NKAIN2: variants seen among roughly 807,000 people sequenced by gnomAD.
The protein encoded by NKAIN2 is sodium/potassium transporting ATPase interacting 2, also known as sodium/potassium-transporting ATPase subunit beta-1-interacting protein 2.
Under a neutral mutation model 32.6 loss-of-function variants are expected in NKAIN2, and 14 were observed. The observed-to-expected ratio is 0.43, with a 90% CI of 0.28 to 0.67. The LOEUF (loss-of-function observed/expected upper bound fraction) is 0.67. Among genes scored for constraint, NKAIN2 ranks in the 30% least tolerant of loss-of-function variants. NKAIN2 has a pLI of 0.17. For missense variants in NKAIN2, 198 were observed against 258.3 expected (o/e 0.77, Z 1.60); for synonymous variants, 80 against 87.2 (o/e 0.92, Z 0.46).
rs369895998 is a variant in NKAIN2 at position 123,924,858 on chromosome 6, G to A, written c.54+120604G>A. Among the ~76,000 whole-genome samples, 8 of 151,994 alleles carry A rather than the reference G, an allele frequency of 5.3e-5. No homozygotes were observed. The East Asian group carries it at 1.3e-3, about 26-fold the overall frequency. On this transcript the variant is annotated intron_variant, in intron 1 of 6. Coordinates refer to ENST00000368417, the MANE Select transcript of NKAIN2 (RefSeq NM_001040214.3). ...CTTCAGATGTCAAGAATGAAACTAG[G>A]AGATAATGTGTGAGATCCTTATAAG...
At chr6:124,035,091 T>C (rs1781556837) in intron 1 of NKAIN2, among the ~76,000 whole-genome samples, 1 of 152,092 alleles carries the variant, frequency 6.6e-6, no homozygotes, top group Admixed American at 6.6e-5. Flanking sequence ...CAAATATGTA[T>C]AATTATTTTA....
intron 2 of NKAIN2, among the ~76,000 whole-genome samples, chr6:124,311,348 A>G (rs2115000465): frequency 6.6e-6 from 1 of 152,238 alleles, no homozygotes; most frequent in East Asian, 1.9e-4. Context: ...AAAATGCCAC[A>G]AACTCTCCGC....
chr6:123,922,718 T>C (rs183487832), intron 1 of NKAIN2, among the ~76,000 whole-genome samples: 1 of 152,308 alleles, frequency 6.6e-6, no homozygotes, highest in East Asian at 1.9e-4. Flanking sequence ...GGTGTCTCCA[T>C]TGTTTGCTCA....
intron 3 of NKAIN2, among the ~76,000 whole-genome samples, chr6:124,481,694 T>A (rs1315073559): frequency 6.6e-6 from 1 of 152,176 alleles, no homozygotes; most frequent in East Asian, 1.9e-4. Context: ...AAGTCATGAC[T>A]AAATTTGCAT....
At chr6:124,731,030 A>G (rs1776639469) in intron 4 of NKAIN2, among the ~76,000 whole-genome samples, 1 of 145,994 alleles carries the variant, frequency 6.8e-6, no homozygotes, top group Admixed American at 7.0e-5. Context: ...CACACCAGGT[A>G]GAATGGCAAT....
intron 1 of NKAIN2, among the ~76,000 whole-genome samples, chr6:124,011,046 G>A (rs1780299515): frequency 6.6e-6 from 1 of 151,552 alleles, no homozygotes; most frequent in Admixed American, 6.6e-5. Context: ...AACTCATTTT[G>A]ACCAGATTCT....
At position 124,785,387 on chromosome 6, in the gene NKAIN2, C is replaced by A. The variant is rs191406833; in HGVS notation, c.475-5952C>A. Among the ~76,000 whole-genome samples, 4 of 152,302 alleles carry A rather than the reference C, an allele frequency of 2.6e-5. No individual in the cohort carries two copies. In the East Asian group the frequency reaches 7.7e-4, roughly 29 times the overall value. ...GAAAATCTTAACATCTCTATCACCT[C>A]TGTGGTTAGGTTACATTGGCTGTCT... On this transcript the variant is annotated intron_variant, in intron 4 of 6. Coordinates refer to ENST00000368417, the MANE Select transcript of NKAIN2 (RefSeq NM_001040214.3).
chr6:124,488,088 A>G (rs1340817839), intron 3 of NKAIN2, among the ~76,000 whole-genome samples: 1 of 152,098 alleles, frequency 6.6e-6, no homozygotes, highest in Non-Finnish European at 1.5e-5. Flanking sequence ...AGTTGAGAGA[A>G]AAGTATGACT....
chr6:124,189,353 A>G (rs76701244), intron 1 of NKAIN2, among the ~76,000 whole-genome samples: 8,798 of 152,228 alleles, frequency 0.058, 473 homozygotes, highest in African/African-American at 0.12. Context: ...ATTCTATTAG[A>G]TCTTTAGTAT....
intron 1 of NKAIN2, among the ~76,000 whole-genome samples, chr6:124,260,467 G>C (rs890957375): frequency 2.0e-5 from 3 of 152,158 alleles, no homozygotes; most frequent in Admixed American, 6.6e-5. Flanking sequence ...ACAGGTGTCA[G>C]GGAAAAGAGA....
At chr6:124,805,198 C>T (rs907864316) in intron 5 of NKAIN2, among the ~76,000 whole-genome samples, 8 of 152,212 alleles carry the variant, frequency 5.3e-5, no homozygotes, top group East Asian at 1.9e-4. Context: ...TCAAGTGGGT[C>T]CCTGACCCCT....
chr6:124,462,582 C>A (rs1181869864), intron 3 of NKAIN2, among the ~76,000 whole-genome samples: 1 of 152,054 alleles, frequency 6.6e-6, no homozygotes, highest in African/African-American at 2.4e-5. Context: ...TTATATATCT[C>A]AGGCTGCCTG....
At chr6:124,745,945 G>C (rs893680808) in intron 4 of NKAIN2, among the ~76,000 whole-genome samples, 19 of 151,882 alleles carry the variant, frequency 1.3e-4, no homozygotes, top group Non-Finnish European at 2.2e-4. Context: ...AGGCCAGAAA[G>C]AGCAATGGGG....
intron 3 of NKAIN2, among the ~76,000 whole-genome samples, chr6:124,485,101 A>G (rs79486562): frequency 0.045 from 6,849 of 152,238 alleles, 267 homozygotes; most frequent in Non-Finnish European, 0.065. Flanking sequence ...AGATCTGCAA[A>G]ACAGTGAGCT....
At chr6:123,986,496 A>G (rs1443488767) in intron 1 of NKAIN2, among the ~76,000 whole-genome samples, 1 of 152,160 alleles carries the variant, frequency 6.6e-6, no homozygotes, top group African/African-American at 2.4e-5. Flanking sequence ...CCTGTTTATT[A>G]CAGTGTAGTT....
chr6:124,226,804 G>C lies in NKAIN2; in HGVS notation c.55-56201G>C, dbSNP rs534393412. 7.2e-5 allele frequency among the ~76,000 whole-genome samples: 11 copies of C among 152,160 alleles called. No individual in the cohort carries two copies. In the East Asian group the frequency reaches 2.1e-3, roughly 29 times the overall value. The stretch of plus-strand genomic sequence containing the variant: ...TTCAGTAACCTAAATGAATCTGTCA[G>C]ATAAGATTTTAGGAGGTGTTTAGGG... On this transcript the variant is annotated intron_variant, in intron 1 of 6. Coordinates refer to ENST00000368417, the MANE Select transcript of NKAIN2 (RefSeq NM_001040214.3).
intron 1 of NKAIN2, among the ~76,000 whole-genome samples, chr6:123,957,487 T>C (rs73773029): frequency 0.051 from 7,742 of 152,228 alleles, 614 homozygotes; most frequent in African/African-American, 0.17. Flanking sequence ...TTTCAATATA[T>C]AGGGTATTTT....
intron 3 of NKAIN2, among the ~76,000 whole-genome samples, chr6:124,360,676 T>C (rs768243638): frequency 1.4e-4 from 22 of 152,116 alleles, no homozygotes; most frequent in African/African-American, 1.9e-4. Context: ...GATGGGAATA[T>C]AGTATAAAAT....
Position 124,490,391 on chromosome 6 carries a change from A to C in NKAIN2, c.273+135044A>C, listed in dbSNP as rs899914793. 1.6e-5 allele frequency: 7 copies of C among 436,510 alleles called. No homozygotes were observed. The Admixed American group carries it at 1.8e-4, about 11-fold the overall frequency. 27.0% of individuals were successfully genotyped at this position (436,510 alleles called of 1,614,324 possible). ...TTGTGGAATTTCCCTCAAAGGAAAC[A>C]GACCGTATAGAATCATAGAGGTTTT... On this transcript the variant is annotated intron_variant, in intron 3 of 6. Coordinates refer to ENST00000368417, the MANE Select transcript of NKAIN2 (RefSeq NM_001040214.3).
Sources: gnomAD v4.1 joint callset for allele counts (sites outside exome capture counted in the v4.1 genomes callset) on GRCh38, gnomAD v4.1.1 for gene constraint, MANE v1.5 for transcripts, NCBI Gene and HGNC (gene_info 2026-07-23, HGNC 2026-07-21) for gene names.